The following LARP1B variants were observed in gnomAD, a reference collection of about 807,000 sequenced individuals.
LARP1B encodes la-related protein 1B.
A neutral mutation model predicts 114.2 loss-of-function variants in LARP1B; 76 were observed. The observed-to-expected ratio is 0.67, with a 90% confidence interval of 0.55 to 0.81. LARP1B has a LOEUF of 0.81. Ranked by LOEUF, LARP1B falls within the 30% of genes least tolerant of loss-of-function variation. LARP1B has a pLI of 0.00. For missense variants in LARP1B, 1,014 were observed against 1,075.8 expected (o/e 0.94, Z 0.80); for synonymous variants, 345 against 348.0 (o/e 0.99, Z 0.10).
Position 128,170,110 on chromosome 4 carries a change from T to C in LARP1B, c.1649-6762T>C, listed in dbSNP as rs112426113. Among the ~76,000 whole-genome samples the C allele has an allele frequency of 5.4e-3, 827 of 152,310 alleles. 9 individuals are homozygous for C. Among genetic ancestry groups the C allele is most frequent in the African/African-American group, 0.019 (786 of 41,570 alleles). On this transcript the variant is annotated intron_variant, in intron 12 of 19. Transcript: ENST00000326639. ...TGTAATTTCCAAGTGATTGGAATTT[T>C]TTCAGTTACCCCTCTGTTATTAATC...
intron 7 of LARP1B, among the ~76,000 whole-genome samples, chr4:128,095,331 A>G (rs1252704578): frequency 6.6e-6 from 1 of 151,768 alleles, no homozygotes; most frequent in Non-Finnish European, 1.5e-5. Context: ...TCTACTAAGA[A>G]TACAAAAATT....
intron 15 of LARP1B, among the ~76,000 whole-genome samples, chr4:128,192,427 T>C (rs543653152): frequency 5.1e-4 from 78 of 152,302 alleles, no homozygotes; most frequent in African/African-American, 1.8e-3. Flanking sequence ...TGAAAATGCA[T>C]TTAATACACC....
At chr4:128,192,413 A>C (rs1351843048) in intron 15 of LARP1B, among the ~76,000 whole-genome samples, 3 of 152,160 alleles carry the variant, frequency 2.0e-5, no homozygotes, top group African/African-American at 7.2e-5. Flanking sequence ...AAAATATCAT[A>C]AGTTGAAAAT....
At chr4:128,098,576 A>C (rs946544368) in intron 8 of LARP1B, among the ~76,000 whole-genome samples, 2 of 150,614 alleles carry the variant, frequency 1.3e-5, no homozygotes, top group Non-Finnish European at 3.0e-5. Context: ...TAGTCAACCT[A>C]TTTTAAACCT....
intron 15 of LARP1B, among the ~76,000 whole-genome samples, chr4:128,188,750 T>G (rs1296151760): frequency 6.6e-6 from 1 of 152,252 alleles, no homozygotes; most frequent in African/African-American, 2.4e-5. Flanking sequence ...ATTTCTTTAT[T>G]AATCTGTTGA....
chr4:128,173,011 C>T (rs1050276820), intron 12 of LARP1B, among the ~76,000 whole-genome samples: 1 of 150,322 alleles, frequency 6.7e-6, no homozygotes, highest in African/African-American at 2.5e-5. Context: ...GTCCTTTTCT[C>T]ATCTAGAAGC....
chr4:128,144,002 C>T (rs1017892381), intron 11 of LARP1B, among the ~76,000 whole-genome samples: 1 of 152,068 alleles, frequency 6.6e-6, no homozygotes, highest in African/African-American at 2.4e-5. Flanking sequence ...AACCTCAGTA[C>T]TATTAACATT....
rs544206020 is a variant in LARP1B, at chr4:128,076,338, A to C, written c.42+1345A>C. Among the ~76,000 whole-genome samples, 3 of 152,246 alleles carry C rather than the reference A, an allele frequency of 2.0e-5. No homozygotes were observed. The East Asian group carries it at 5.8e-4, about 29-fold the overall frequency. ...TTGTATTCTTAAGAGGTAATCTTAT[A>C]TTTGAGATTTGCATTTTCTAGAATT... On this transcript the variant is annotated intron_variant, in intron 3 of 19. Transcript: ENST00000326639.
In LARP1B at chr4:128,150,149, T is replaced by TCAAAA. The variant is rs751400432; in HGVS notation, c.1525-12031_1525-12027dup. ...CTGGGCGACAGACCAAGACTCCATC[T>TCAAAA]CAAAACAAAACAAAACAACAACAAC... On this transcript the variant is annotated intron_variant, in intron 11 of 19. Coordinates refer to ENST00000326639, the MANE Select transcript of LARP1B (RefSeq NM_018078.4). Among the ~76,000 whole-genome samples, 29 of 152,140 alleles carry TCAAAA rather than the reference T, an allele frequency of 1.9e-4. No homozygotes were observed. In the East Asian group the frequency reaches 5.6e-3, roughly 29 times the overall value.
intron 13 of LARP1B, 51 bp downstream of exon 13, chr4:128,176,958 GGT>G: frequency 6.6e-7 from 1 of 1,505,172 alleles, no homozygotes; most frequent in Non-Finnish European, 9.2e-7. Context: ...CTTTGCATTG[GGT>G]ATACAAAAGA....
intron 11 of LARP1B, among the ~76,000 whole-genome samples, chr4:128,129,157 T>A (rs1473224713): frequency 1.2e-4 from 12 of 97,794 alleles, no homozygotes; most frequent in African/African-American, 5.5e-4. Flanking sequence ...AGAGCGAGAC[T>A]CTGTCTCAAA....
intron 11 of LARP1B, among the ~76,000 whole-genome samples, chr4:128,145,947 T>A (rs1256729734): frequency 6.6e-6 from 1 of 152,228 alleles, no homozygotes; most frequent in Non-Finnish European, 1.5e-5. Flanking sequence ...ATATTAAGTC[T>A]TGGTAAAGAA....
intron 1 of LARP1B, among the ~76,000 whole-genome samples, chr4:128,064,271 CAAAAA>C (rs10679400): frequency 2.5e-5 from 2 of 79,562 alleles, no homozygotes; most frequent in Non-Finnish European, 4.5e-5. Context: ...GACTCAGTCT[CAAAAA>C]AAAAAAAAAA....
chr4:128,196,570 C>A (rs1754196170), intron 15 of LARP1B, among the ~76,000 whole-genome samples: 1 of 149,654 alleles, frequency 6.7e-6, no homozygotes, highest in Admixed American at 6.7e-5. Context: ...CAAATTCTTT[C>A]AAAAAAATTG....
chr4:128,093,712 T>G (rs1436324097), intron 7 of LARP1B, among the ~76,000 whole-genome samples: 4 of 136,182 alleles, frequency 2.9e-5, no homozygotes, highest in Non-Finnish European at 6.0e-5. Flanking sequence ...TTTTAAACTT[T>G]TTTTTTTTTT....
chr4:128,123,432 A>G (rs1243648536), intron 11 of LARP1B: 2 of 923,836 alleles, frequency 2.2e-6, no homozygotes, highest in East Asian at 1.2e-4. Flanking sequence ...AGTACATTCT[A>G]CTAATAATCA....
At chr4:128,204,527 C>T (rs974447199) in intron 17 of LARP1B, among the ~76,000 whole-genome samples, 4 of 151,532 alleles carry the variant, frequency 2.6e-5, no homozygotes, top group Non-Finnish European at 4.4e-5. Flanking sequence ...TGGTGGCAGG[C>T]GCCTGTAATC....
At chr4:128,069,013 AT>A in intron 1 of LARP1B, 4 of 833,984 alleles carry the variant, frequency 4.8e-6, no homozygotes, top group Non-Finnish European at 1.8e-6. Flanking sequence ...CTTTACTTAT[AT>A]TGGCTGTAAC....
downstream of LARP1B, among the ~76,000 whole-genome samples, chr4:128,212,662 C>CA (rs1319630746): frequency 1.3e-5 from 2 of 151,806 alleles, no homozygotes; most frequent in Non-Finnish European, 2.9e-5. Flanking sequence ...AAAACAAAAA[C>CA]AAAAACAAAA....
Sources: allele counts gnomAD v4.1 joint callset (sites outside exome capture counted in the v4.1 genomes callset), GRCh38; gene constraint gnomAD v4.1.1; transcripts MANE v1.5; gene names NCBI Gene and HGNC (gene_info 2026-07-23, HGNC 2026-07-21).